Variants in CACNA1C observed in about 807,000 individuals in gnomAD.
CACNA1C encodes calcium voltage-gated channel subunit alpha1 C.
CACNA1C carries 30 observed loss-of-function variants against 229.0 expected under a neutral mutation model. The ratio of observed to expected loss-of-function variants is 0.13; its 90% CI spans 0.10 to 0.18. CACNA1C has a LOEUF of 0.18. Ranked by LOEUF, CACNA1C falls within the 10% of genes least tolerant of loss-of-function variation. The pLI is 1.00. For synonymous variants in CACNA1C, 1,114 were observed against 1,132.5 expected (o/e 0.98, Z 0.33); for missense variants, 1,658 against 2,845.0 (o/e 0.58, Z 9.49).
intron 2 of CACNA1C, among the ~76,000 whole-genome samples, chr12:2,116,625 C>G (rs1270788568): frequency 1.3e-5 from 2 of 152,050 alleles, no homozygotes; most frequent in Non-Finnish European, 2.9e-5. Context: ...CCTCGGCCTC[C>G]CAAAGTGTTG....
chr12:2,567,820 A>C, intron 13 of CACNA1C, 26 bp downstream of exon 13: 20 of 1,408,538 alleles, frequency 1.4e-5, no homozygotes, highest in Non-Finnish European at 2.0e-5. Context: ...TCTCACTTTG[A>C]AGAGGGGACT....
At chr12:2,419,429 C>T (rs2098951272) in intron 3 of CACNA1C, among the ~76,000 whole-genome samples, 1 of 152,138 alleles carries the variant, frequency 6.6e-6, no homozygotes. Flanking sequence ...GGCCTGAACA[C>T]CCCCACCAGG....
At chr12:2,361,439 C>G (rs150030491) in intron 3 of CACNA1C, among the ~76,000 whole-genome samples, 1 of 152,208 alleles carries the variant, frequency 6.6e-6, no homozygotes, top group Non-Finnish European at 1.5e-5. Context: ...TTTAAGGAAG[C>G]CTCCTTTAAA....
Position 2,493,287 on chromosome 12 carries a change from T to C in CACNA1C, c.1014T>C (p.Gly338=). ...NGTVCKPGWD[G]PKHGITNFDN... The stretch of plus-strand genomic sequence containing the variant: ...CGGTGTGCAAGCCCGGCTGGGATGG[T>C]CCCAAGCACGGCATCACCAACTTTG... The change falls in exon 7 of 47, where the codon GGT becomes GGC. Residue 338 remains glycine, a synonymous_variant. Coordinates refer to ENST00000399655, the MANE Select transcript of CACNA1C (RefSeq NM_000719.7). The surrounding 1 kb of genome is among the most constrained non-coding windows in gnomAD (Gnocchi z 4.6). 1 of 1,614,028 alleles carries C rather than the reference T, an allele frequency of 6.2e-7. No homozygotes were observed. The highest frequency in any genetic ancestry group is 8.5e-7 in the Non-Finnish European group (1 of 1,179,906).
At position 2,548,708 on chromosome 12, in the gene CACNA1C, C is replaced by T. The variant is rs544058086; in HGVS notation, c.1391-1235C>T. 7.2e-5 allele frequency among the ~76,000 whole-genome samples: 11 copies of T among 152,306 alleles called. No homozygotes were observed. The East Asian group carries it at 1.5e-3, about 21-fold the overall frequency. On this transcript the variant is annotated intron_variant, in intron 9 of 46. Coordinates refer to ENST00000399655, the MANE Select transcript of CACNA1C (RefSeq NM_000719.7). The stretch of plus-strand genomic sequence containing the variant: ...GTTCTTGAAATGATTCTCTTCTCAC[C>T]AACCTGGCTTGTCTTCATCTGAAGG...
chr12:2,384,118 A>G (rs2098322582), intron 3 of CACNA1C, among the ~76,000 whole-genome samples: 1 of 152,344 alleles, frequency 6.6e-6, no homozygotes, highest in South Asian at 2.1e-4. Flanking sequence ...TCTGTGGATC[A>G]CACACCACCC....
intron 30 of CACNA1C, among the ~76,000 whole-genome samples, chr12:2,644,353 C>G (rs1045916980): frequency 1.3e-5 from 2 of 152,200 alleles, no homozygotes; most frequent in African/African-American, 2.4e-5. Context: ...TGCTCTCTGG[C>G]CACCTGACCG....
In CACNA1C at chr12:2,585,341, C is replaced by T. The variant is rs368235017; in HGVS notation, c.2340-35C>T. 61 of 1,600,460 alleles carry T rather than the reference C, an allele frequency of 3.8e-5. No homozygotes were observed. The African/African-American group carries it at 7.6e-4, about 20-fold the overall frequency. Reference sequence around the variant, plus strand: ...CACTGTTCCCTATCACTCCAGTAAACAGCCATTTATTTTTTTCTGCTGCTG... The same window carrying T: ...CACTGTTCCCTATCACTCCAGTAAATAGCCATTTATTTTTTTCTGCTGCTG... On this transcript the variant is annotated intron_variant, in intron 16 of 46. Coordinates refer to ENST00000399655, the MANE Select transcript of CACNA1C (RefSeq NM_000719.7). This position sits in a 1 kb window ranked among gnomAD's most constrained non-coding sequence, Gnocchi z 4.1.
In CACNA1C at chr12:2,688,779, G is replaced by A. The variant is rs1308508828; in HGVS notation, c.6117G>A (p.Ala2039=). 7.2e-6 allele frequency: 11 copies of A among 1,519,378 alleles called. No homozygotes were observed. The highest frequency in any genetic ancestry group is 2.4e-5 in the East Asian group (1 of 42,070). 94.1% of individuals were successfully genotyped at this position (1,519,378 alleles called of 1,614,324 possible). The change falls in exon 46 of 47, where the codon GCG becomes GCA. Residue 2039 remains alanine (A), a splice_region_variant and synonymous_variant. Coordinates refer to ENST00000399655, the MANE Select transcript of CACNA1C (RefSeq NM_000719.7). ...GCAGTGCCAGCAGCCTGGTGGAAGC[G>A]GTAGGTGACTCGCAGATGGGCAGGG... is the stretch of plus-strand genomic sequence containing the variant. ...FHGSASSLVE[A]VLISEGLGQF...
intron 3 of CACNA1C, among the ~76,000 whole-genome samples, chr12:2,324,140 A>G (rs2096166116): frequency 6.6e-6 from 1 of 152,174 alleles, no homozygotes; most frequent in African/African-American, 2.4e-5. Context: ...ATAGGAGAGC[A>G]AGTCCCAGTT....
chr12:2,504,616 G>A lies in CACNA1C; in HGVS notation c.1114-226G>A, dbSNP rs1490819354. On this transcript the variant is annotated intron_variant, in intron 7 of 46. Transcript: ENST00000399655. The surrounding 1 kb of genome is among the most constrained non-coding windows in gnomAD (Gnocchi z 6.8). ...AGGTTCCACTCCGTACATGCCCGGGGTCCTCAGGGATGGGACCCTGACAGG... is the reference window on the plus strand; with the variant it reads ...AGGTTCCACTCCGTACATGCCCGGGATCCTCAGGGATGGGACCCTGACAGG... 3.3e-6 allele frequency: 3 copies of A among 910,546 alleles called. No individual in the cohort carries two copies. Among genetic ancestry groups the A allele is most frequent in the East Asian group, 4.8e-5 (2 of 41,640 alleles). 56.4% of individuals were successfully genotyped at this position (910,546 alleles called of 1,614,324 possible).
In CACNA1C at chr12:2,080,324, G is replaced by A. The variant is rs186514280; in HGVS notation, c.49+26713G>A. Among the ~76,000 whole-genome samples, 174 of 152,040 alleles carry A rather than the reference G, an allele frequency of 1.1e-3. 1 individual carries two copies. The highest frequency in any genetic ancestry group is 3.9e-3 in the Admixed American group (60 of 15,262). Reference sequence around the variant, plus strand: ...CCTTGTTTAAATCAAAGAGATGGCCGGGCGTGGTGGCCCATGCCTGTAATT... The same window carrying A: ...CCTTGTTTAAATCAAAGAGATGGCCAGGCGTGGTGGCCCATGCCTGTAATT... On this transcript the variant is annotated intron_variant, in intron 1 of 46. Transcript: ENST00000399655.
In CACNA1C at chr12:2,333,172, G is replaced by A. The variant is rs144456744; in HGVS notation, c.478-115804G>A. On this transcript the variant is annotated intron_variant, in intron 3 of 46. Coordinates refer to ENST00000399655, the MANE Select transcript of CACNA1C (RefSeq NM_000719.7). ...ACACCTACAGGTCTTGATGGGCTGT[G>A]TGCTGGGCACTCCGGAATCTCATTT... Among the ~76,000 whole-genome samples the A allele has an allele frequency of 2.8e-3, 425 of 152,134 alleles. 3 individuals carry two copies. The highest frequency in any genetic ancestry group is 8.3e-3 in the African/African-American group (343 of 41,478).
At position 2,479,028 on chromosome 12, in the gene CACNA1C, T is replaced by A. The variant is rs1407212729; in HGVS notation, c.758-7076T>A. Among the ~76,000 whole-genome samples, 1 of 152,094 alleles carries A rather than the reference T, an allele frequency of 6.6e-6. No homozygotes were observed. Among genetic ancestry groups the A allele is most frequent in the Non-Finnish European group, 1.5e-5 (1 of 68,018 alleles). ...CTCAGATAGAGGATGTAGCTGAGGATGGAAAACTTCATTCTAGATTCCCCT... is the reference window on the plus strand; with the variant it reads ...CTCAGATAGAGGATGTAGCTGAGGAAGGAAAACTTCATTCTAGATTCCCCT... On this transcript the variant is annotated intron_variant, in intron 5 of 46. Transcript: ENST00000399655. This position sits in a 1 kb window ranked among gnomAD's most constrained non-coding sequence, Gnocchi z 4.3.
chr12:2,223,558 G>A (rs1224287631), intron 3 of CACNA1C: 1 of 152,160 alleles, frequency 6.6e-6, no homozygotes, highest in African/African-American at 2.4e-5. Context: ...TCCTGTGGTG[G>A]ATGACCCTAC....
At chr12:1,997,677 T>C (rs2041261545) in intron 1 of CACNA1C, among the ~76,000 whole-genome samples, 1 of 152,268 alleles carries the variant, frequency 6.6e-6, no homozygotes, top group Non-Finnish European at 1.5e-5. Flanking sequence ...TAATCTATTT[T>C]AAACAGTGCC....
At chr12:2,387,915 G>T (rs533338080) in intron 3 of CACNA1C, among the ~76,000 whole-genome samples, 1 of 152,190 alleles carries the variant, frequency 6.6e-6, no homozygotes, top group Non-Finnish European at 1.5e-5. Flanking sequence ...AAACCAGGGA[G>T]CCCCCTTACC....
chr12:2,462,283 C>T lies in CACNA1C; in HGVS notation c.757+4577C>T, dbSNP rs796927558. 6.7e-5 allele frequency among the ~76,000 whole-genome samples: 10 copies of T among 149,268 alleles called. No individual in the cohort carries two copies. In the South Asian group the frequency reaches 8.5e-4, roughly 13 times the overall value. Reference sequence around the variant, plus strand: ...CTCCATACAGGCCTGCACACTTCCTCGGCACCCCCTCGGCTCAGCTCTCAT... The same window carrying T: ...CTCCATACAGGCCTGCACACTTCCTTGGCACCCCCTCGGCTCAGCTCTCAT... On this transcript the variant is annotated intron_variant, in intron 5 of 46. Coordinates refer to ENST00000399655, the MANE Select transcript of CACNA1C (RefSeq NM_000719.7).
Position 2,053,468 on chromosome 12 carries a change from G to T in CACNA1C, c.-95G>T. Reference sequence around the variant, plus strand: ...CTCGAATCTTGCGCGAAAGCCGCCGGCCTCGGAGGAGGGATTAATCCAGAC... The same window carrying T: ...CTCGAATCTTGCGCGAAAGCCGCCGTCCTCGGAGGAGGGATTAATCCAGAC... On this transcript the variant is annotated 5_prime_UTR_variant, in exon 1 of 47. Coordinates refer to ENST00000399655, the MANE Select transcript of CACNA1C (RefSeq NM_000719.7). This position sits in a 1 kb window ranked among gnomAD's most constrained non-coding sequence, Gnocchi z 5.8. 6.7e-7 allele frequency: 1 copy of T among 1,493,446 alleles called. No homozygotes were observed. The highest frequency in any genetic ancestry group is 9.0e-7 in the Non-Finnish European group (1 of 1,114,842). The allele number at this position is 1,493,446 out of a possible 1,614,324, so 92.5% of individuals were successfully genotyped here.
Sources: gnomAD v4.1 joint callset for allele counts (sites outside exome capture counted in the v4.1 genomes callset) on GRCh38, gnomAD v4.1.1 for gene constraint, Gnocchi (gnomAD v3.1) non-coding constraint, MANE v1.5 for transcripts, NCBI Gene and HGNC (gene_info 2026-07-23, HGNC 2026-07-21) for gene names.